DPEP2: variants seen among roughly 807,000 people sequenced by gnomAD.
DPEP2 encodes the protein dipeptidase 2.
In DPEP2, 45 loss-of-function variants were observed where a neutral mutation model predicts 51.8. The ratio of observed to expected loss-of-function variants is 0.87; its 90% CI spans 0.68 to 1.11. The LOEUF (loss-of-function observed/expected upper bound fraction) is 1.11. DPEP2 is among the 50% of genes most tolerant of loss of function. The pLI is 0.00. For missense variants in DPEP2, 604 were observed against 631.9 expected (o/e 0.96, Z 0.47); for synonymous variants, 255 against 262.7 (o/e 0.97, Z 0.28).
At chr16:67,996,298 G>T (rs1451488770) in intron 1 of DPEP2, among the ~76,000 whole-genome samples, 2 of 151,758 alleles carry the variant, frequency 1.3e-5, no homozygotes, top group Non-Finnish European at 2.9e-5. Context: ...TAAGGAAGGG[G>T]TAGGTAGGAA....
In DPEP2 at chr16:67,993,092, TG is replaced by T. The variant is rs547189498; in HGVS notation, c.120del (p.Arg41GlufsTer39). ...VTCAYTTPGP[P>X]RALTTLGAPR... Reference sequence around the variant, plus strand: ...GGGGCGCCCAGCGTGGTGAGGGCTCTGGGGGGGCCTGGCGTGGTGTAGGCAC... The same window carrying T: ...GGGGCGCCCAGCGTGGTGAGGGCTCTGGGGGGCCTGGCGTGGTGTAGGCAC... On this transcript the variant is annotated frameshift_variant, in exon 2 of 11. Transcript: ENST00000393847. LOFTEE classifies it high-confidence loss of function. 1.3e-5 allele frequency: 21 copies of T among 1,568,600 alleles called. No individual in the cohort carries two copies. Among genetic ancestry groups the T allele is most frequent in the Admixed American group, 5.7e-5 (3 of 52,996 alleles).
In DPEP2 at chr16:67,991,724, C is replaced by A; in HGVS notation, c.662+114G>T. On this transcript the variant is annotated intron_variant, in intron 5 of 10. Transcript: ENST00000393847. This position sits in a 1 kb window ranked among gnomAD's most constrained non-coding sequence, Gnocchi z 5.1. ...AAACCAGAATCCCAGCTCCCCTCCC[C>A]ACTCCAGAGTCAGTGCCACATCCCA... 6.9e-7 allele frequency: 1 copy of A among 1,441,132 alleles called. No homozygotes were observed. 89.3% of individuals were successfully genotyped at this position (1,441,132 alleles called of 1,614,324 possible). A position where few individuals can be genotyped will look rare whatever the true frequency, so the allele number is the denominator to read the frequency against.
chr16:67,993,179 A>C lies in DPEP2; in HGVS notation c.34T>G (p.Phe12Val). 1.3e-6 allele frequency: 2 copies of C among 1,486,836 alleles called. No individual in the cohort carries two copies. Among genetic ancestry groups the C allele is most frequent in the South Asian group, 2.7e-5 (2 of 74,596 alleles). 92.1% of individuals were successfully genotyped at this position (1,486,836 alleles called of 1,614,324 possible). ...QPSGLEGPGT[F>V]GRWPLLSLLL... Reference sequence around the variant, plus strand: ...AGACTCAGCAGAGGCCACCGACCAAACGTGCCGGGACCCTCGAGGCCGGAG... The same window carrying C: ...AGACTCAGCAGAGGCCACCGACCAACCGTGCCGGGACCCTCGAGGCCGGAG... The change falls in exon 2 of 11, where the codon TTT becomes GTT. Residue 12 changes from phenylalanine (F) to valine (V), a missense_variant. Physicochemically the swap from Phe to Val is conservative, Grantham distance 50. Transcript: ENST00000393847.
chr16:67,991,299 A>C lies in DPEP2; in HGVS notation c.663-115T>G. On this transcript the variant is annotated intron_variant, in intron 5 of 10. Coordinates refer to ENST00000393847, the MANE Select transcript of DPEP2 (RefSeq NM_022355.4). The surrounding 1 kb of genome is among the most constrained non-coding windows in gnomAD (Gnocchi z 5.1). The stretch of plus-strand genomic sequence containing the variant: ...CCCTGAAACAAAAACAGGGATCCAA[A>C]ATGGGCCCTGCAAATGGGCCATGCC... 3 of 1,024,220 alleles carry C rather than the reference A, an allele frequency of 2.9e-6. No homozygotes were observed. Among genetic ancestry groups the C allele is most frequent in the Non-Finnish European group, 4.3e-6 (3 of 689,714 alleles). The allele number at this position is 1,024,220 out of a possible 1,614,324, so 63.4% of individuals were successfully genotyped here.
intron 1 of DPEP2, chr16:67,993,687 T>G: frequency 1.0e-6 from 1 of 986,890 alleles, no homozygotes; most frequent in Non-Finnish European, 1.2e-6. Context: ...GCCTGCAACG[T>G]GTCCCGGCCA....
chr16:67,990,702 G>C, intron 7 of DPEP2, 119 bp downstream of exon 7: 1 of 1,155,030 alleles, frequency 8.7e-7, no homozygotes, highest in Non-Finnish European at 1.2e-6. Context: ...GACCTCAAGT[G>C]ATCAGCCCAC....
At position 67,990,904 on chromosome 16, in the gene DPEP2, C is replaced by T. The variant is rs371496343; in HGVS notation, c.826G>A (p.Ala276Thr). 9.3e-6 allele frequency: 15 copies of T among 1,614,092 alleles called. No homozygotes were observed. Among genetic ancestry groups the T allele is most frequent in the Middle Eastern group, 1.6e-4 (1 of 6,084 alleles). ...GCCGAGTGGGAGAAGATCACAGGTG[C>T]CTGTGACACTTCCAGGGCCCGCCGT... ...VARRALEVSQAPVIFSHSAAR... is the reference protein window; with the variant it reads ...VARRALEVSQTPVIFSHSAAR... Residue 276 changes from alanine (A) to threonine (T), a missense_variant, in exon 7 of 11, where the codon GCA becomes ACA. Ala to Thr is a moderately conservative substitution (Grantham distance 58). Transcript: ENST00000393847.
chr16:67,993,279 C>T, intron 1 of DPEP2, 22 bp from the exon 2 acceptor site: 2 of 1,377,582 alleles, frequency 1.5e-6, no homozygotes, highest in Admixed American at 3.3e-5. Flanking sequence ...GGGCGAGGGG[C>T]AGAGCGCGAC....
intron 1 of DPEP2, chr16:67,994,233 A>G (rs1056380048): frequency 1.0e-6 from 1 of 985,376 alleles, no homozygotes; most frequent in Admixed American, 6.1e-5. Flanking sequence ...GGCCTCGTCC[A>G]GGTCAGGAGT....
At chr16:67,989,670 T>C (rs1218264885) in intron 8 of DPEP2, among the ~76,000 whole-genome samples, 2 of 152,164 alleles carry the variant, frequency 1.3e-5, no homozygotes. Context: ...GCCTCTAGTC[T>C]CTTTGAGAAC....
At chr16:67,995,321 A>G (rs2032628695) in intron 1 of DPEP2, among the ~76,000 whole-genome samples, 1 of 152,040 alleles carries the variant, frequency 6.6e-6, no homozygotes, top group African/African-American at 2.4e-5. Context: ...TGCTGGGAGT[A>G]TAGATGTGAG....
In DPEP2 at chr16:67,992,576, G is replaced by A; in HGVS notation, c.324C>T (p.Asn108=). 1 of 1,614,176 alleles carries A rather than the reference G, an allele frequency of 6.2e-7. No individual in the cohort carries two copies. Among genetic ancestry groups the A allele is most frequent in the South Asian group, 1.1e-5 (1 of 91,084 alleles). The change falls in exon 3 of 11, where the codon AAC becomes AAT. Residue 108 remains asparagine (N), a synonymous_variant. Coordinates refer to ENST00000393847, the MANE Select transcript of DPEP2 (RefSeq NM_022355.4). ...TCTGGCCGTAGCTGAAATTGCGCAGGTTAACATCCTGTAGCCCTTTCTGGT... is the reference window on the plus strand; with the variant it reads ...TCTGGCCGTAGCTGAAATTGCGCAGATTAACATCCTGTAGCCCTTTCTGGT... ...QVYQKGLQDV[N]LRNFSYGQTS... is the part of the protein sequence containing the mutation.
chr16:67,993,830 A>G (rs2032485637), intron 1 of DPEP2: 1 of 985,438 alleles, frequency 1.0e-6, no homozygotes, highest in Non-Finnish European at 1.2e-6. Context: ...GACTGGATTC[A>G]GGAAGGGGCC....
Position 67,999,395 on chromosome 16 carries a change from C to G in DPEP2, c.-66G>C. 1.4e-6 allele frequency: 1 copy of G among 734,984 alleles called. No individual in the cohort carries two copies. The highest frequency in any genetic ancestry group is 1.9e-5 in the African/African-American group (1 of 52,456). The allele number at this position is 734,984 out of a possible 1,614,324, so 45.5% of individuals were successfully genotyped here. Reference sequence around the variant, plus strand: ...GCTACCTTAAGAGCTGTAACACTCACTGCGAGGGTCTGCAGCTTCATTCTA... The same window carrying G: ...GCTACCTTAAGAGCTGTAACACTCAGTGCGAGGGTCTGCAGCTTCATTCTA... On this transcript the variant is annotated 5_prime_UTR_variant, in exon 1 of 11. Coordinates refer to ENST00000393847, the MANE Select transcript of DPEP2 (RefSeq NM_022355.4).
In DPEP2 at chr16:67,992,144, C is replaced by G. The variant is rs768027580; in HGVS notation, c.440G>C (p.Arg147Pro). The G allele has an allele frequency of 1.9e-6, 3 of 1,614,142 alleles. No homozygotes were observed. The highest frequency in any genetic ancestry group is 2.5e-6 in the Non-Finnish European group (3 of 1,180,022). ...PCQTQDRDALRLTLEQIDLIR... is the reference protein window; with the variant it reads ...PCQTQDRDALPLTLEQIDLIR... ...GAGGTCAATCTGCTCCAGGGTGAGG[C>G]GCAGGGCATCCCGGTCCTGGGTCTG... The change falls in exon 4 of 11, where the codon CGC becomes CCC. Residue 147 changes from arginine to proline, a missense_variant. Physicochemically the swap from Arg to Pro is moderately radical, Grantham distance 103. Coordinates refer to ENST00000393847, the MANE Select transcript of DPEP2 (RefSeq NM_022355.4).
At chr16:67,998,102 C>A (rs1413098078) in intron 1 of DPEP2, among the ~76,000 whole-genome samples, 1 of 152,220 alleles carries the variant, frequency 6.6e-6, no homozygotes, top group Non-Finnish European at 1.5e-5. Context: ...TGCCTGGGCT[C>A]CCACTTTGGC....
chr16:67,992,931 C>A lies in DPEP2; in HGVS notation c.263+19G>T, dbSNP rs772868162. The A allele has an allele frequency of 6.2e-7, 1 of 1,602,702 alleles. No individual in the cohort carries two copies. The highest frequency in any genetic ancestry group is 8.5e-7 in the Non-Finnish European group (1 of 1,174,310). On this transcript the variant is annotated intron_variant, in intron 2 of 10. Coordinates refer to ENST00000393847, the MANE Select transcript of DPEP2 (RefSeq NM_022355.4). ...GGAGTGTGCTCAGCTCCCATCGCCCCCTTGCAGCAATTACGCACCCGTCCA... is the reference window on the plus strand; with the variant it reads ...GGAGTGTGCTCAGCTCCCATCGCCCACTTGCAGCAATTACGCACCCGTCCA...
At chr16:67,987,392 T>G (rs1193227710), downstream of DPEP2, 1 of 1,444,336 alleles carries the variant, frequency 6.9e-7, no homozygotes, top group African/African-American at 1.4e-5. Context: ...AACTCAGGTC[T>G]GTTTCTATGT....
intron 8 of DPEP2, among the ~76,000 whole-genome samples, chr16:67,989,772 C>T (rs906532471): frequency 3.9e-5 from 6 of 152,344 alleles, no homozygotes; most frequent in Non-Finnish European, 7.4e-5. Flanking sequence ...GGGCCTTCCC[C>T]TTCTAGTCTC....
Sources: allele counts gnomAD v4.1 joint callset (sites outside exome capture counted in the v4.1 genomes callset), GRCh38; gene constraint gnomAD v4.1.1; non-coding constraint Gnocchi (gnomAD v3.1); transcripts MANE v1.5; gene names NCBI Gene and HGNC (gene_info 2026-07-23, HGNC 2026-07-21).